The following LRRC4C variants were observed in gnomAD, a reference collection of about 807,000 sequenced individuals.
The protein encoded by LRRC4C is leucine rich repeat containing 4C.
LRRC4C carries 5 observed loss-of-function variants against 33.6 expected under a neutral mutation model. The observed-to-expected ratio is 0.15, with a 90% confidence interval of 0.08 to 0.31. LRRC4C has a LOEUF of 0.31. Ranked by LOEUF, LRRC4C falls within the 10% of genes least tolerant of loss-of-function variation. LRRC4C has a pLI of 1.00. For synonymous variants in LRRC4C, 329 were observed against 302.0 expected (o/e 1.09, Z -0.93); for missense variants, 560 against 796.7 (o/e 0.70, Z 3.58).
intron 2 of LRRC4C, among the ~76,000 whole-genome samples, chr11:40,688,245 C>A (rs1411256871): frequency 6.6e-6 from 1 of 152,062 alleles, no homozygotes; most frequent in African/African-American, 2.4e-5. Flanking sequence ...GTGTGTGGAA[C>A]TGAAGACCTA....
At chr11:41,291,473 T>C (rs1303813382) in intron 1 of LRRC4C, among the ~76,000 whole-genome samples, 3 of 152,186 alleles carry the variant, frequency 2.0e-5, no homozygotes, top group African/African-American at 7.2e-5. Context: ...ATATATAACA[T>C]GAATTTTTAC....
chr11:41,134,065 T>C (rs981017924), intron 1 of LRRC4C, among the ~76,000 whole-genome samples: 72 of 152,128 alleles, frequency 4.7e-4, no homozygotes, highest in African/African-American at 1.5e-3. Context: ...GTCAGCTATA[T>C]TGGCTCAGAA....
At chr11:40,420,532 A>T (rs2137735537) in intron 3 of LRRC4C, among the ~76,000 whole-genome samples, 1 of 152,324 alleles carries the variant, frequency 6.6e-6, no homozygotes, top group Non-Finnish European at 1.5e-5. Context: ...TTATTTAAAA[A>T]AAATTGAATC....
intron 1 of LRRC4C, among the ~76,000 whole-genome samples, chr11:41,088,825 C>A (rs911947177): frequency 6.6e-6 from 1 of 151,950 alleles, no homozygotes; most frequent in Non-Finnish European, 1.5e-5. Flanking sequence ...ATGGAGATTA[C>A]CTCCAATACT....
intron 1 of LRRC4C, among the ~76,000 whole-genome samples, chr11:41,343,814 T>C (rs1255037521): frequency 1.3e-5 from 2 of 152,224 alleles, no homozygotes; most frequent in Non-Finnish European, 2.9e-5. Flanking sequence ...TATAACAAAG[T>C]ATTTAAGAAA....
chr11:41,168,272 A>G (rs1944818861), intron 1 of LRRC4C, among the ~76,000 whole-genome samples: 2 of 152,196 alleles, frequency 1.3e-5, no homozygotes, highest in South Asian at 2.1e-4. Flanking sequence ...CCTATCTGTT[A>G]AAAAACTGAT....
At chr11:40,170,882 A>G (rs537168291) in intron 5 of LRRC4C, among the ~76,000 whole-genome samples, 2 of 152,278 alleles carry the variant, frequency 1.3e-5, no homozygotes, top group African/African-American at 4.8e-5. Flanking sequence ...AACTTTTGGG[A>G]GACTACACGT....
At chr11:40,717,789 C>CTATCTAAATCCATCAGCT (rs1218947950) in intron 2 of LRRC4C, among the ~76,000 whole-genome samples, 2 of 152,290 alleles carry the variant, frequency 1.3e-5, no homozygotes, top group African/African-American at 4.8e-5. Context: ...AAATCAAACT[C>CTATCTAAATCCATCAGCT]TATCTAAATC....
At position 41,145,429 on chromosome 11, in the gene LRRC4C, C is replaced by T. The variant is rs143665163; in HGVS notation, c.-495-211706G>A. Among the ~76,000 whole-genome samples the T allele has an allele frequency of 7.1e-3, 935 of 132,518 alleles. 15 individuals are homozygous for T. Among genetic ancestry groups the T allele is most frequent in the African/African-American group, 0.024 (884 of 37,078 alleles). The allele number at this position is 132,518 out of a possible 152,430, so 86.9% of individuals were successfully genotyped here. On this transcript the variant is annotated intron_variant, in intron 1 of 6. Coordinates refer to ENST00000528697, the MANE Select transcript of LRRC4C (RefSeq NM_001258419.2). Reference sequence around the variant, plus strand: ...CTATTTCAAGAATTGGCAAACTACACGCTATGGTCAAAATTGTGCCTGCTG... The same window carrying T: ...CTATTTCAAGAATTGGCAAACTACATGCTATGGTCAAAATTGTGCCTGCTG...
At chr11:41,353,862 C>T (rs1952067686) in intron 1 of LRRC4C, among the ~76,000 whole-genome samples, 2 of 151,612 alleles carry the variant, frequency 1.3e-5, no homozygotes, top group South Asian at 2.1e-4. Flanking sequence ...ATCTAGGAGT[C>T]GAAGGAATGT....
chr11:41,115,247 A>C (rs972453632), intron 1 of LRRC4C, among the ~76,000 whole-genome samples: 1 of 152,094 alleles, frequency 6.6e-6, no homozygotes, highest in African/African-American at 2.4e-5. Context: ...TTAATTAACA[A>C]ATTCTTGAGG....
At chr11:41,371,450 C>T (rs542742676) in intron 1 of LRRC4C, among the ~76,000 whole-genome samples, 1 of 152,260 alleles carries the variant, frequency 6.6e-6, no homozygotes, top group Non-Finnish European at 1.5e-5. Flanking sequence ...GTGGGCTTTT[C>T]GTGTTAGAAG....
At position 40,947,736 on chromosome 11, in the gene LRRC4C, C is replaced by T. The variant is rs555792878; in HGVS notation, c.-495-14013G>A. ...CCACCTCCCCTCACTCTTTTCTCTC[C>T]GCAGCTCTCCCCTCTCTGATATCCT... On this transcript the variant is annotated intron_variant, in intron 1 of 6. Coordinates refer to ENST00000528697, the MANE Select transcript of LRRC4C (RefSeq NM_001258419.2). Among the ~76,000 whole-genome samples the T allele has an allele frequency of 4.6e-5, 7 of 152,074 alleles. No homozygotes were observed. The East Asian group carries it at 5.8e-4, about 13-fold the overall frequency.
At chr11:40,363,567 GT>G (rs890717775) in intron 3 of LRRC4C, among the ~76,000 whole-genome samples, 2 of 150,252 alleles carry the variant, frequency 1.3e-5, no homozygotes, top group African/African-American at 4.9e-5. Flanking sequence ...TAAAATAAAA[GT>G]AAAAAAAAAA....
intron 1 of LRRC4C, among the ~76,000 whole-genome samples, chr11:41,435,770 T>C (rs1451748065): frequency 1.3e-5 from 2 of 152,350 alleles, no homozygotes; most frequent in African/African-American, 2.4e-5. Context: ...TGTTAACAGA[T>C]GTTCCATAAA....
At chr11:41,426,845 C>A (rs139467072) in intron 1 of LRRC4C, among the ~76,000 whole-genome samples, 1 of 152,134 alleles carries the variant, frequency 6.6e-6, no homozygotes, top group Admixed American at 6.6e-5. Flanking sequence ...GTTGACTTCC[C>A]AGGCCTCTCT....
intron 3 of LRRC4C, among the ~76,000 whole-genome samples, chr11:40,368,367 A>G (rs1397298551): frequency 6.6e-6 from 1 of 152,142 alleles, no homozygotes; most frequent in Admixed American, 6.6e-5. Flanking sequence ...TTTGGATGAG[A>G]GTACATGAGA....
At chr11:41,096,774 G>A (rs1940835724) in intron 1 of LRRC4C, among the ~76,000 whole-genome samples, 1 of 152,046 alleles carries the variant, frequency 6.6e-6, no homozygotes, top group Non-Finnish European at 1.5e-5. Context: ...CATCCTATAA[G>A]GTAAAGCTTT....
chr11:40,288,805 T>G (rs1944010622), intron 4 of LRRC4C, among the ~76,000 whole-genome samples: 1 of 152,232 alleles, frequency 6.6e-6, no homozygotes, highest in Non-Finnish European at 1.5e-5. Context: ...AGTAATGGAA[T>G]TTTATACCAT....
Sources: allele counts gnomAD v4.1 joint callset (sites outside exome capture counted in the v4.1 genomes callset), GRCh38; gene constraint gnomAD v4.1.1; transcripts MANE v1.5; gene names NCBI Gene and HGNC (gene_info 2026-07-23, HGNC 2026-07-21).